Variants in GALNTL6 observed in about 807,000 individuals in gnomAD.
GALNTL6 encodes the protein polypeptide N-acetylgalactosaminyltransferase-like 6.
In GALNTL6, 46 loss-of-function variants were observed where a neutral mutation model predicts 73.7. The ratio of observed to expected loss-of-function variants is 0.62; its 90% CI spans 0.49 to 0.80. GALNTL6 has a LOEUF of 0.80. Among genes scored for constraint, GALNTL6 ranks in the 30% least tolerant of loss-of-function variants. The pLI, the probability that GALNTL6 is intolerant of heterozygous loss-of-function variation, is 0.00. For missense variants in GALNTL6, 604 were observed against 755.0 expected (o/e 0.80, Z 2.34); for synonymous variants, 259 against 263.7 (o/e 0.98, Z 0.17).
At position 171,920,924 on chromosome 4, in the gene GALNTL6, C is replaced by G. The variant is rs1013477881; in HGVS notation, c.138+106206C>G. On this transcript the variant is annotated intron_variant, in intron 2 of 12. Transcript: ENST00000506823. ...TAAAAATCACATGTACCAATATTTA[C>G]TTTTGACTCCTTCAGTTGTATTGTA... 8.5e-5 allele frequency among the ~76,000 whole-genome samples: 13 copies of G among 152,062 alleles called. No individual in the cohort carries two copies. In the East Asian group the frequency reaches 1.2e-3, roughly 14 times the overall value.
intron 2 of GALNTL6, among the ~76,000 whole-genome samples, chr4:172,090,891 C>A (rs1732183601): frequency 6.6e-6 from 1 of 152,056 alleles, no homozygotes; most frequent in Non-Finnish European, 1.5e-5. Context: ...ACGAATGGGT[C>A]CAGTTTCAGT....
At chr4:172,753,402 C>T (rs1380045764) in intron 5 of GALNTL6, among the ~76,000 whole-genome samples, 1 of 152,132 alleles carries the variant, frequency 6.6e-6, no homozygotes, top group East Asian at 1.9e-4. Flanking sequence ...TAATCACACC[C>T]TTATCATTAA....
At chr4:172,078,006 C>A (rs565592704) in intron 2 of GALNTL6, among the ~76,000 whole-genome samples, 1 of 152,142 alleles carries the variant, frequency 6.6e-6, no homozygotes, top group African/African-American at 2.4e-5. Flanking sequence ...TCAGAGAGTG[C>A]AAGCCCCAAG....
chr4:172,176,669 G>T (rs1560954869), intron 2 of GALNTL6, among the ~76,000 whole-genome samples: 1 of 152,030 alleles, frequency 6.6e-6, no homozygotes, highest in Non-Finnish European at 1.5e-5. Context: ...CATGCCTGTA[G>T]TTCTAGCTAC....
chr4:171,968,046 T>C (rs12503041), intron 2 of GALNTL6, among the ~76,000 whole-genome samples: 68,892 of 152,016 alleles, frequency 0.45, 17,465 homozygotes, highest in Admixed American at 0.57. Context: ...CAGCTTCTGA[T>C]TCTACTCCTT....
chr4:172,039,389 G>A (rs1165146901), intron 2 of GALNTL6, among the ~76,000 whole-genome samples: 1 of 152,124 alleles, frequency 6.6e-6, no homozygotes, highest in Non-Finnish European at 1.5e-5. Flanking sequence ...AAAGTATAAT[G>A]AGAAAAATAA....
intron 7 of GALNTL6, among the ~76,000 whole-genome samples, chr4:172,821,317 A>G (rs559564665): frequency 6.6e-6 from 1 of 152,324 alleles, no homozygotes; most frequent in Non-Finnish European, 1.5e-5. Context: ...CTTAGCTTTA[A>G]TCAATGGTCT....
intron 2 of GALNTL6, among the ~76,000 whole-genome samples, chr4:171,875,799 G>A (rs1440804924): frequency 1.3e-5 from 2 of 149,766 alleles, no homozygotes; most frequent in Admixed American, 6.8e-5. Flanking sequence ...GGTCTCTGGG[G>A]CATGGGATTT....
intron 2 of GALNTL6, among the ~76,000 whole-genome samples, chr4:172,155,101 G>A (rs766937134): frequency 6.6e-6 from 1 of 151,884 alleles, no homozygotes; most frequent in Non-Finnish European, 1.5e-5. Context: ...AGGTTCAAGC[G>A]ATTCTGCTGT....
At chr4:171,878,352 C>A (rs949522705) in intron 2 of GALNTL6, among the ~76,000 whole-genome samples, 3 of 152,098 alleles carry the variant, frequency 2.0e-5, no homozygotes, top group Non-Finnish European at 4.4e-5. Flanking sequence ...TTTGTTTTGA[C>A]AGTTTTGTTA....
intron 9 of GALNTL6, among the ~76,000 whole-genome samples, chr4:172,937,462 G>A (rs1038170691): frequency 1.3e-5 from 2 of 152,144 alleles, no homozygotes; most frequent in African/African-American, 4.8e-5. Context: ...TTTAGATAAG[G>A]TTAAGTGACA....
At chr4:172,428,848 C>T (rs1210196357) in intron 5 of GALNTL6, among the ~76,000 whole-genome samples, 1 of 152,168 alleles carries the variant, frequency 6.6e-6, no homozygotes, top group African/African-American at 2.4e-5. Flanking sequence ...CATCAGCTGT[C>T]AGATTCAGGG....
intron 5 of GALNTL6, among the ~76,000 whole-genome samples, chr4:172,485,063 T>G (rs1161949269): frequency 1.3e-5 from 2 of 152,194 alleles, no homozygotes; most frequent in Non-Finnish European, 2.9e-5. Flanking sequence ...ATAAGTAGAT[T>G]GTAACAAATG....
intron 5 of GALNTL6, among the ~76,000 whole-genome samples, chr4:172,401,887 G>A (rs1319986324): frequency 2.1e-5 from 3 of 145,404 alleles, no homozygotes; most frequent in Non-Finnish European, 3.0e-5. Flanking sequence ...GCCTTCCCTG[G>A]CTTCTGGAGG....
At chr4:171,843,614 C>A (rs1034843549) in intron 2 of GALNTL6, among the ~76,000 whole-genome samples, 1 of 152,074 alleles carries the variant, frequency 6.6e-6, no homozygotes, top group South Asian at 2.1e-4. Context: ...TGGTATTAAG[C>A]CAGGCAGTGA....
intron 3 of GALNTL6, among the ~76,000 whole-genome samples, chr4:172,231,044 C>T (rs1737049671): frequency 9.6e-6 from 1 of 103,760 alleles, no homozygotes; most frequent in South Asian, 4.6e-4. Context: ...CAGCTTATTC[C>T]AAAGATGTTC....
chr4:172,852,781 C>T (rs1743905603), intron 7 of GALNTL6, among the ~76,000 whole-genome samples: 3 of 151,992 alleles, frequency 2.0e-5, no homozygotes, highest in Admixed American at 2.0e-4. Context: ...GAACTAATAC[C>T]ATGTTGCTGA....
At chr4:172,662,483 G>A (rs1220244298) in intron 5 of GALNTL6, among the ~76,000 whole-genome samples, 3 of 152,104 alleles carry the variant, frequency 2.0e-5, no homozygotes, top group Admixed American at 6.5e-5. Flanking sequence ...CACGATAATC[G>A]GCAGTGTATA....
At chr4:172,928,221 AAG>A (rs958829291) in intron 8 of GALNTL6, among the ~76,000 whole-genome samples, 3 of 152,196 alleles carry the variant, frequency 2.0e-5, no homozygotes, top group African/African-American at 7.2e-5. Flanking sequence ...CCTTTACAGA[AAG>A]AGTTTGCATA....
Sources: allele counts gnomAD v4.1 joint callset (sites outside exome capture counted in the v4.1 genomes callset), GRCh38; gene constraint gnomAD v4.1.1; transcripts MANE v1.5; gene names NCBI Gene and HGNC (gene_info 2026-07-23, HGNC 2026-07-21).